Variants in CLNK observed in about 807,000 individuals in gnomAD.
The protein encoded by CLNK is cytokine dependent hematopoietic cell linker.
CLNK carries 74 observed loss-of-function variants against 68.6 expected under a neutral mutation model. The ratio of observed to expected loss-of-function variants is 1.08; its 90% CI spans 0.89 to 1.31. The LOEUF is 1.31. Ranked by LOEUF, CLNK falls within the 50% of genes most tolerant of loss-of-function variation. The pLI, the probability that CLNK is intolerant of heterozygous loss-of-function variation, is 0.00. For missense variants in CLNK, 553 were observed against 515.3 expected, an observed-to-expected ratio of 1.07 and a Z score of -0.71; for synonymous variants, 198 against 172.2, an observed-to-expected ratio of 1.15 and a Z score of -1.17.
the CLNK span, among the ~76,000 whole-genome samples, chr4:10,729,877 A>C: frequency 6.6e-6 from 1 of 152,370 alleles, no homozygotes; most frequent in Non-Finnish European, 1.5e-5. Context: ...GAAAGATCAC[A>C]AAAGATGCAT....
At chr4:10,677,082 G>C (rs1439301972) in intron 1 of CLNK, among the ~76,000 whole-genome samples, 1 of 149,438 alleles carries the variant, frequency 6.7e-6, no homozygotes, top group Non-Finnish European at 1.5e-5. Flanking sequence ...AACTGTGATT[G>C]TTTCTCCATT....
At chr4:10,669,242 A>G (rs1200628645) in intron 1 of CLNK, among the ~76,000 whole-genome samples, 1 of 152,214 alleles carries the variant, frequency 6.6e-6, no homozygotes, top group Non-Finnish European at 1.5e-5. Flanking sequence ...CACTTCTAAA[A>G]CTAAGTATAG....
At chr4:10,592,861 G>T (rs189754651) in intron 3 of CLNK, among the ~76,000 whole-genome samples, 1 of 152,146 alleles carries the variant, frequency 6.6e-6, no homozygotes, top group African/African-American at 2.4e-5. Flanking sequence ...TTGTAGCTTG[G>T]ATTACAGGCA....
rs966289325 is a variant in CLNK, at chr4:10,513,319, A to G, written c.906+145T>C. The G allele has an allele frequency of 9.5e-6, 6 of 628,306 alleles. No homozygotes were observed. In the Admixed American group the frequency reaches 1.5e-4, roughly 16 times the overall value. 38.9% of individuals were successfully genotyped at this position (628,306 alleles called of 1,614,324 possible). A position where few individuals can be genotyped will look rare whatever the true frequency, so the allele number is the denominator to read the frequency against. On this transcript the variant is annotated intron_variant, in intron 16 of 18. Transcript: ENST00000226951. Reference sequence around the variant, plus strand: ...TATTTAAAAATATTAAAATACTTTAAAAATATTAAAACCCAGTAACATATA... The same window carrying G: ...TATTTAAAAATATTAAAATACTTTAGAAATATTAAAACCCAGTAACATATA...
chr4:10,560,503 G>T (rs1028439265), intron 7 of CLNK, among the ~76,000 whole-genome samples: 2 of 152,172 alleles, frequency 1.3e-5, no homozygotes, highest in Non-Finnish European at 2.9e-5. Context: ...GAATGCAGTG[G>T]CATGATTTCA....
chr4:10,577,769 C>T lies in CLNK; in HGVS notation c.113-5991G>A, dbSNP rs186994977. On this transcript the variant is annotated intron_variant, in intron 4 of 18. Coordinates refer to ENST00000226951, the MANE Select transcript of CLNK (RefSeq NM_052964.4). ...GAGCCTTGGACTGCTTACCTTGGGACTTGACTTACATAAGAAAAAAAAAAA... is the reference window on the plus strand; with the variant it reads ...GAGCCTTGGACTGCTTACCTTGGGATTTGACTTACATAAGAAAAAAAAAAA... 3.0e-3 allele frequency among the ~76,000 whole-genome samples: 452 copies of T among 150,884 alleles called. 2 individuals carry two copies. The highest frequency in any genetic ancestry group is 5.1e-3 in the Non-Finnish European group (347 of 67,860).
rs572079008 is a variant in CLNK at position 10,672,554 on chromosome 4, CTTAG to C, written c.-42-4647_-42-4644del. ...TCACTTTAAGTGCCTTAAAGTGGCA[CTTAG>C]TTAGAAATGAAAGATGCTTAGGTAA... On this transcript the variant is annotated intron_variant, in intron 1 of 18. Transcript: ENST00000226951. 5.4e-3 allele frequency among the ~76,000 whole-genome samples: 827 copies of C among 152,146 alleles called. 10 individuals are homozygous for C. The highest frequency in any genetic ancestry group is 0.021 in the South Asian group (99 of 4,806).
chr4:10,576,792 T>C (rs531072813), intron 4 of CLNK, among the ~76,000 whole-genome samples: 14 of 152,370 alleles, frequency 9.2e-5, no homozygotes, highest in African/African-American at 2.9e-4. Flanking sequence ...TTTATTCACC[T>C]TGAAGTTTTA....
intron 17 of CLNK, among the ~76,000 whole-genome samples, chr4:10,504,824 AAC>A (rs1717226549): frequency 6.6e-6 from 1 of 152,232 alleles, no homozygotes; most frequent in African/African-American, 2.4e-5. Context: ...ATAAATGAGA[AAC>A]ACATTTTGAC....
chr4:10,627,626 G>A (rs868468580), intron 2 of CLNK, among the ~76,000 whole-genome samples: 3 of 152,126 alleles, frequency 2.0e-5, no homozygotes, highest in Non-Finnish European at 4.4e-5. Context: ...GAGAGAGACA[G>A]GGTCAGAGAG....
chr4:10,605,180 G>T (rs989542269), intron 2 of CLNK, among the ~76,000 whole-genome samples: 2 of 152,104 alleles, frequency 1.3e-5, no homozygotes, highest in East Asian at 1.9e-4. Context: ...TTTCAAACTT[G>T]CCAGTTCCCA....
At chr4:10,707,675 A>G in the CLNK span, among the ~76,000 whole-genome samples, 1 of 152,292 alleles carries the variant, frequency 6.6e-6, no homozygotes, top group African/African-American at 2.4e-5. Context: ...GGTCACCCAT[A>G]TGGACTCAGA....
At position 10,667,346 on chromosome 4, in the gene CLNK, T is replaced by C. The variant is rs1447901543; in HGVS notation, c.11+513A>G. ...CAAAGTCTTTTTTTTTCACTATAAA[T>C]ATTTCTTAAACTTTTGAGTCCTGCT... On this transcript the variant is annotated intron_variant, in intron 2 of 18. Transcript: ENST00000226951. 2.0e-5 allele frequency among the ~76,000 whole-genome samples: 3 copies of C among 151,420 alleles called. No homozygotes were observed. In the East Asian group the frequency reaches 5.8e-4, roughly 30 times the overall value.
intron 15 of CLNK, among the ~76,000 whole-genome samples, chr4:10,516,346 G>T (rs2109042157): frequency 6.6e-6 from 1 of 152,222 alleles, no homozygotes; most frequent in Non-Finnish European, 1.5e-5. Context: ...AACTTAACAA[G>T]AACTTTGAAA....
At chr4:10,713,859 C>G in the CLNK span, among the ~76,000 whole-genome samples, 1 of 152,190 alleles carries the variant, frequency 6.6e-6, no homozygotes, top group Non-Finnish European at 1.5e-5. Context: ...CCAAATAGAC[C>G]TCTTTTCTTT....
chr4:10,593,320 C>G (rs1721253898), intron 3 of CLNK, among the ~76,000 whole-genome samples: 1 of 151,326 alleles, frequency 6.6e-6, no homozygotes, highest in Admixed American at 6.6e-5. Flanking sequence ...GCTTGCCTGA[C>G]TGAAGGGACC....
At chr4:10,522,332 G>C (rs1718113722) in intron 14 of CLNK, among the ~76,000 whole-genome samples, 1 of 151,470 alleles carries the variant, frequency 6.6e-6, no homozygotes, top group Non-Finnish European at 1.5e-5. Flanking sequence ...CCAACACTTT[G>C]GGAGGCCGAG....
At chr4:10,598,116 G>T in intron 2 of CLNK, 67 bp from the exon 3 acceptor site, 3 of 1,072,976 alleles carry the variant, frequency 2.8e-6, no homozygotes, top group South Asian at 1.4e-5. Flanking sequence ...TTAATTAAGT[G>T]CATTCATTCA....
chr4:10,565,862 G>T, intron 6 of CLNK, 147 bp downstream of exon 6: 2 of 783,960 alleles, frequency 2.6e-6, no homozygotes, highest in Non-Finnish European at 3.9e-6. Context: ...GGATTGGAGA[G>T]ACTTTCTCAA....
Sources: allele counts gnomAD v4.1 joint callset (sites outside exome capture counted in the v4.1 genomes callset), GRCh38; gene constraint gnomAD v4.1.1; transcripts MANE v1.5; gene names NCBI Gene and HGNC (gene_info 2026-07-23, HGNC 2026-07-21).